Variants in FAM184B observed in about 807,000 individuals in gnomAD.
FAM184B encodes protein FAM184B.
In FAM184B, 111 loss-of-function variants were observed where a neutral mutation model predicts 135.9. The observed-to-expected ratio is 0.82, with a 90% CI of 0.70 to 0.96. The LOEUF is 0.96. FAM184B is among the 40% of genes least tolerant of loss of function. FAM184B has a pLI of 0.00. For missense variants in FAM184B, 1,375 were observed against 1,323.9 expected, an observed-to-expected ratio of 1.04 and a Z score of -0.60; for synonymous variants, 552 against 524.8, an observed-to-expected ratio of 1.05 and a Z score of -0.71.
chr4:17,637,358 G>C (rs1715174636), intron 14 of FAM184B, among the ~76,000 whole-genome samples: 1 of 152,234 alleles, frequency 6.6e-6, no homozygotes, highest in East Asian at 1.9e-4. Flanking sequence ...AGCCAGAGAA[G>C]AGTAACTGGG....
chr4:17,639,498 T>C (rs1715245663), intron 13 of FAM184B, 102 bp from the exon 14 acceptor site: 1 of 1,366,230 alleles, frequency 7.3e-7, no homozygotes, highest in Non-Finnish European at 9.9e-7. Flanking sequence ...TTGGGAGATC[T>C]GGGTGGGGAG....
rs539745223 is a variant in FAM184B at position 17,735,995 on chromosome 4, T to C, written c.142-26351A>G. ...TTACAAAAACATCAATAGATGATGA[T>C]GGTGGTGATGATCTTGATAACAGTG... On this transcript the variant is annotated intron_variant, in intron 1 of 17. Transcript: ENST00000265018. Among the ~76,000 whole-genome samples, 5 of 152,262 alleles carry C rather than the reference T, an allele frequency of 3.3e-5. No individual in the cohort carries two copies. In the South Asian group the frequency reaches 8.3e-4, roughly 25 times the overall value.
rs56926847 is a variant in FAM184B at position 17,638,134 on chromosome 4, CTTTTTTTTTTTTTT to C, written c.2666+1102_2666+1115del. On this transcript the variant is annotated intron_variant, in intron 14 of 17. Coordinates refer to ENST00000265018, the MANE Select transcript of FAM184B (RefSeq NM_015688.2). The stretch of plus-strand genomic sequence containing the variant: ...CGCCTGGTATGATGTTAACTGTTTG[CTTTTTTTTTTTTTT>C]TTTTTTTTTTTTTTTGAGACAGGGT... Among the ~76,000 whole-genome samples, 65 of 73,402 alleles carry C rather than the reference CTTTTTTTTTTTTTT, an allele frequency of 8.9e-4. 2 individuals are homozygous for C. Among genetic ancestry groups the C allele is most frequent in the Middle Eastern group, 0.012 (1 of 82 alleles). 48.2% of individuals were successfully genotyped at this position (73,402 alleles called of 152,430 possible). A position where few individuals can be genotyped will look rare whatever the true frequency, so the allele number is the denominator to read the frequency against.
chr4:17,674,608 A>C (rs1458879583), intron 7 of FAM184B, among the ~76,000 whole-genome samples: 2 of 152,180 alleles, frequency 1.3e-5, no homozygotes, highest in Non-Finnish European at 2.9e-5. Flanking sequence ...ATTTCTCTGT[A>C]GCATACGATA....
Position 17,688,509 on chromosome 4 carries a change from A to C in FAM184B, c.1511T>G (p.Ile504Ser). ...LLEVLRLEEF[I>S]QQNKTRPTGA... ...TGTGGGGCGTGTCTTATTTTGTTGG[A>C]TAAATTCTTCCAGCCTTAAAACCTA... The change falls in exon 7 of 18, where the codon ATC becomes AGC. Residue 504 changes from isoleucine (I) to serine (S), a missense_variant. By Grantham distance (142) the Ile-to-Ser change is moderately radical (BLOSUM62 -2). Transcript: ENST00000265018. 6.4e-7 allele frequency: 1 copy of C among 1,550,428 alleles called. No individual in the cohort carries two copies. Among genetic ancestry groups the C allele is most frequent in the Non-Finnish European group, 8.7e-7 (1 of 1,146,740 alleles).
chr4:17,733,720 G>C (rs561226992), intron 1 of FAM184B, among the ~76,000 whole-genome samples: 1 of 152,250 alleles, frequency 6.6e-6, no homozygotes, highest in African/African-American at 2.4e-5. Flanking sequence ...CTCATGGGTA[G>C]GAAGAATCAA....
At chr4:17,756,662 C>T (rs1718430867) in intron 1 of FAM184B, among the ~76,000 whole-genome samples, 2 of 152,150 alleles carry the variant, frequency 1.3e-5, no homozygotes, top group Non-Finnish European at 2.9e-5. Context: ...CAGTGGCTCA[C>T]ACCTGTCATC....
chr4:17,779,217 T>A (rs1402002563), intron 1 of FAM184B, among the ~76,000 whole-genome samples: 2 of 152,118 alleles, frequency 1.3e-5, no homozygotes, highest in Non-Finnish European at 2.9e-5. Flanking sequence ...TCGCAATAAA[T>A]CCCTGTGGAT....
intron 1 of FAM184B, among the ~76,000 whole-genome samples, chr4:17,717,049 G>A (rs1321800984): frequency 2.6e-5 from 4 of 151,986 alleles, no homozygotes; most frequent in Non-Finnish European, 4.4e-5. Flanking sequence ...GACTTCAGGT[G>A]ATACACCTGC....
rs145459405 is a variant in FAM184B, at chr4:17,657,993, G to A, written c.2037+357C>T. Among the ~76,000 whole-genome samples the A allele has an allele frequency of 1.2e-3, 182 of 152,178 alleles. 1 individual carries two copies. Among genetic ancestry groups the A allele is most frequent in the South Asian group, 5.2e-3 (25 of 4,814 alleles). ...TTCTCAATTCTGTGCTGCTCTCTTC[G>A]TTTTTAGCTGCAGGACTGAGCCTGA... On this transcript the variant is annotated intron_variant, in intron 10 of 17. Coordinates refer to ENST00000265018, the MANE Select transcript of FAM184B (RefSeq NM_015688.2).
chr4:17,656,581 T>C (rs373530171), intron 10 of FAM184B, among the ~76,000 whole-genome samples: 1,714 of 152,270 alleles, frequency 0.011, 38 homozygotes, highest in African/African-American at 0.039. Context: ...TTTGTATTTT[T>C]AGTAGCAATG....
intron 1 of FAM184B, among the ~76,000 whole-genome samples, chr4:17,738,178 T>C (rs1577283901): frequency 1.3e-5 from 2 of 152,222 alleles, no homozygotes; most frequent in East Asian, 3.9e-4. Context: ...CAGTCCTTCT[T>C]GGGAATTTAT....
At chr4:17,655,184 T>C (rs1205240385) in intron 10 of FAM184B, among the ~76,000 whole-genome samples, 1 of 152,188 alleles carries the variant, frequency 6.6e-6, no homozygotes, top group East Asian at 1.9e-4. Flanking sequence ...CTCATACTTT[T>C]CAAATTCTCT....
intron 1 of FAM184B, among the ~76,000 whole-genome samples, chr4:17,715,007 A>G (rs1239456839): frequency 6.6e-6 from 1 of 152,186 alleles, no homozygotes; most frequent in Non-Finnish European, 1.5e-5. Flanking sequence ...CCTGCACAGA[A>G]GGTTACTTAT....
intron 1 of FAM184B, among the ~76,000 whole-genome samples, chr4:17,732,026 G>T (rs982133784): frequency 1.3e-5 from 2 of 152,138 alleles, no homozygotes; most frequent in Non-Finnish European, 2.9e-5. Flanking sequence ...TCAGGACTAA[G>T]AAACTCACTC....
At chr4:17,739,739 G>C (rs1717988438) in intron 1 of FAM184B, among the ~76,000 whole-genome samples, 1 of 151,632 alleles carries the variant, frequency 6.6e-6, no homozygotes, top group East Asian at 2.0e-4. Context: ...ATTTTTAGTA[G>C]AGATGGGGGT....
At chr4:17,689,267 C>G (rs971236932) in intron 6 of FAM184B, among the ~76,000 whole-genome samples, 8 of 151,982 alleles carry the variant, frequency 5.3e-5, no homozygotes, top group Non-Finnish European at 7.4e-5. Context: ...AGTGTAAGGC[C>G]TTAATTATGA....
chr4:17,701,463 G>A (rs1001859240), intron 5 of FAM184B, among the ~76,000 whole-genome samples: 1 of 152,204 alleles, frequency 6.6e-6, no homozygotes, highest in Non-Finnish European at 1.5e-5. Flanking sequence ...TCTGAATGCT[G>A]AGTGGAGAGT....
chr4:17,665,051 C>G (rs1716014410), intron 7 of FAM184B, among the ~76,000 whole-genome samples: 1 of 152,166 alleles, frequency 6.6e-6, no homozygotes, highest in Non-Finnish European at 1.5e-5. Flanking sequence ...TGGTATGGTT[C>G]CATGCATAAC....
Sources: gnomAD v4.1 joint callset for allele counts (sites outside exome capture counted in the v4.1 genomes callset) on GRCh38, gnomAD v4.1.1 for gene constraint, MANE v1.5 for transcripts, NCBI Gene and HGNC (gene_info 2026-07-23, HGNC 2026-07-21) for gene names.